The following NKAIN2 variants were observed in gnomAD, a reference collection of about 807,000 sequenced individuals.
The protein encoded by NKAIN2 is sodium/potassium-transporting ATPase subunit beta-1-interacting protein 2.
Under a neutral mutation model 32.6 loss-of-function variants are expected in NKAIN2, and 14 were observed. That is an observed-to-expected ratio of 0.43 (90% confidence interval 0.28 to 0.67). The LOEUF (loss-of-function observed/expected upper bound fraction) is 0.67. Among genes scored for constraint, NKAIN2 ranks in the 30% least tolerant of loss-of-function variants. The pLI, the probability that NKAIN2 is intolerant of heterozygous loss-of-function variation, is 0.17. For synonymous variants in NKAIN2, 80 were observed against 87.2 expected, an observed-to-expected ratio of 0.92 and a Z score of 0.46; for missense variants, 198 against 258.3, an observed-to-expected ratio of 0.77 and a Z score of 1.60.
intron 3 of NKAIN2, among the ~76,000 whole-genome samples, chr6:124,400,368 G>C (rs1773574902): frequency 6.6e-6 from 1 of 152,050 alleles, no homozygotes; most frequent in South Asian, 2.1e-4. Context: ...GTTTTTCATA[G>C]AACCAGTGAC....
intron 1 of NKAIN2, among the ~76,000 whole-genome samples, chr6:124,239,743 G>A (rs999252505): frequency 6.6e-6 from 1 of 152,180 alleles, no homozygotes. Flanking sequence ...CACAGTTAAA[G>A]CAGTGTTTAG....
intron 3 of NKAIN2, among the ~76,000 whole-genome samples, chr6:124,591,677 G>C (rs146412933): frequency 6.6e-6 from 1 of 152,268 alleles, no homozygotes; most frequent in East Asian, 1.9e-4. Flanking sequence ...AAATAATAGA[G>C]AGAACCAGTA....
chr6:123,949,922 A>C (rs1777245881), intron 1 of NKAIN2, among the ~76,000 whole-genome samples: 1 of 151,896 alleles, frequency 6.6e-6, no homozygotes, highest in South Asian at 2.1e-4. Context: ...TCAATATGTT[A>C]GCTGTGGGTT....
At chr6:124,633,898 C>T (rs1020748287) in intron 3 of NKAIN2, among the ~76,000 whole-genome samples, 3 of 151,954 alleles carry the variant, frequency 2.0e-5, no homozygotes, top group African/African-American at 4.8e-5. Flanking sequence ...TGAGAGCCAG[C>T]TTTTTCAGCA....
rs550449178 is a variant in NKAIN2, at chr6:124,383,172, C to T, written c.273+27825C>T. On this transcript the variant is annotated intron_variant, in intron 3 of 6. Transcript: ENST00000368417. The stretch of plus-strand genomic sequence containing the variant: ...CCCAGGCACCCTTTCCTTTAACAAG[C>T]CATGTTAATTTTACCTCGCTAGTGT... Among the ~76,000 whole-genome samples the T allele has an allele frequency of 5.9e-5, 9 of 152,234 alleles. No individual in the cohort carries two copies. The South Asian group carries it at 1.7e-3, about 28-fold the overall frequency.
chr6:124,550,758 T>C (rs567819429), intron 3 of NKAIN2, among the ~76,000 whole-genome samples: 1 of 152,158 alleles, frequency 6.6e-6, no homozygotes, highest in East Asian at 1.9e-4. Flanking sequence ...TGTGCTTTGA[T>C]AGAAACTTGA....
intron 5 of NKAIN2, among the ~76,000 whole-genome samples, chr6:124,798,810 C>A (rs904836276): frequency 2.0e-5 from 3 of 152,116 alleles, no homozygotes; most frequent in African/African-American, 7.2e-5. Context: ...GACCTTCCGA[C>A]ATTCAAATAC....
At chr6:124,644,824 G>A (rs997345329) in intron 3 of NKAIN2, among the ~76,000 whole-genome samples, 10 of 152,148 alleles carry the variant, frequency 6.6e-5, no homozygotes, top group African/African-American at 2.2e-4. Flanking sequence ...TGATATACAT[G>A]GCACAGATCA....
At chr6:124,063,262 A>G (rs1413634901) in intron 1 of NKAIN2, among the ~76,000 whole-genome samples, 1 of 152,106 alleles carries the variant, frequency 6.6e-6, no homozygotes, top group Non-Finnish European at 1.5e-5. Flanking sequence ...AATTTCAAGA[A>G]ATTGAACTCC....
In NKAIN2 at chr6:124,820,204, C is replaced by G. The variant is rs541591121; in HGVS notation, c.617+1736C>G. 8.3e-4 allele frequency among the ~76,000 whole-genome samples: 126 copies of G among 152,290 alleles called. 2 individuals carry two copies. Among genetic ancestry groups the G allele is most frequent in the African/African-American group, 2.9e-3 (121 of 41,556 alleles). On this transcript the variant is annotated intron_variant, in intron 6 of 6. Coordinates refer to ENST00000368417, the MANE Select transcript of NKAIN2 (RefSeq NM_001040214.3). ...CCTTCACACTCTTTACCATTCTTCT[C>G]AATATTTTATGTAACATTCTATAAA...
chr6:124,757,980 C>G (rs1778046110), intron 4 of NKAIN2, among the ~76,000 whole-genome samples: 2 of 152,108 alleles, frequency 1.3e-5, no homozygotes, highest in South Asian at 4.1e-4. Context: ...GATAGAAAAA[C>G]AAGAGAACAA....
chr6:124,566,623 A>G (rs763592055), intron 3 of NKAIN2, among the ~76,000 whole-genome samples: 2 of 152,228 alleles, frequency 1.3e-5, no homozygotes, highest in Non-Finnish European at 2.9e-5. Context: ...ACTATGCAAT[A>G]AAAGATTTTG....
chr6:124,232,613 C>A (rs1792518187), intron 1 of NKAIN2, among the ~76,000 whole-genome samples: 1 of 152,124 alleles, frequency 6.6e-6, no homozygotes, highest in Non-Finnish European at 1.5e-5. Context: ...TAATCTAAGT[C>A]TGTCTCTATG....
At chr6:124,395,685 A>G (rs943796213) in intron 3 of NKAIN2, among the ~76,000 whole-genome samples, 1 of 152,150 alleles carries the variant, frequency 6.6e-6, no homozygotes, top group African/African-American at 2.4e-5. Flanking sequence ...TTTCACTTTT[A>G]GGTAAAGTAA....
chr6:124,052,243 A>G (rs1247579752), intron 1 of NKAIN2, among the ~76,000 whole-genome samples: 3 of 152,066 alleles, frequency 2.0e-5, no homozygotes, highest in Non-Finnish European at 2.9e-5. Flanking sequence ...CGAAATTTAT[A>G]AAAGACGTAG....
At chr6:124,246,124 A>G (rs900035499) in intron 1 of NKAIN2, among the ~76,000 whole-genome samples, 1 of 152,000 alleles carries the variant, frequency 6.6e-6, no homozygotes, top group Non-Finnish European at 1.5e-5. Context: ...TGTTTTAACC[A>G]TAGTTTCTGT....
chr6:123,820,060 C>T (rs1332116629), intron 1 of NKAIN2, among the ~76,000 whole-genome samples: 1 of 152,148 alleles, frequency 6.6e-6, no homozygotes, highest in Admixed American at 6.5e-5. Flanking sequence ...TTAATAGCCT[C>T]GAATTTAGTT....
chr6:124,550,820 T>C (rs1780260464), intron 3 of NKAIN2, among the ~76,000 whole-genome samples: 2 of 152,140 alleles, frequency 1.3e-5, no homozygotes, highest in African/African-American at 4.8e-5. Flanking sequence ...CAGATTCAAA[T>C]AGATTTTGAT....
At chr6:124,738,334 A>G (rs930360750) in intron 4 of NKAIN2, among the ~76,000 whole-genome samples, 4 of 151,998 alleles carry the variant, frequency 2.6e-5, no homozygotes, top group African/African-American at 9.6e-5. Context: ...TAAAACATAG[A>G]AATAATAAAA....
Sources: allele counts gnomAD v4.1 joint callset (sites outside exome capture counted in the v4.1 genomes callset), GRCh38; gene constraint gnomAD v4.1.1; transcripts MANE v1.5; gene names NCBI Gene and HGNC (gene_info 2026-07-23, HGNC 2026-07-21).